FARS2: variants seen among roughly 807,000 people sequenced by gnomAD.
FARS2 encodes the protein phenylalanine--tRNA ligase, mitochondrial.
A neutral mutation model predicts 46.4 loss-of-function variants in FARS2; 40 were observed. The observed-to-expected ratio is 0.86, with a 90% CI of 0.67 to 1.12. FARS2 has a LOEUF of 1.12. Ranked by LOEUF, FARS2 falls within the 50% of genes most tolerant of loss-of-function variation. The pLI is 0.00. For missense variants in FARS2, 513 were observed against 567.9 expected (o/e 0.90, Z 0.98); for synonymous variants, 234 against 214.9 (o/e 1.09, Z -0.78).
intron 5 of FARS2, among the ~76,000 whole-genome samples, chr6:5,557,068 TAGGG>T (rs1352713545): frequency 6.6e-6 from 1 of 152,080 alleles, no homozygotes; most frequent in African/African-American, 2.4e-5. Context: ...ATCATCAGAA[TAGGG>T]ACCAGAAGGA....
In FARS2 at chr6:5,660,914, A is replaced by G. The variant is rs528807550; in HGVS notation, c.1217+47594A>G. ...AGGGATCTCTCACTTTACCAAGAGC[A>G]ATAGAAGCCCCTGGAATGTTTTAAG... On this transcript the variant is annotated intron_variant, in intron 6 of 6. Coordinates refer to ENST00000274680, the MANE Select transcript of FARS2 (RefSeq NM_006567.5). 6.6e-5 allele frequency among the ~76,000 whole-genome samples: 10 copies of G among 152,342 alleles called. No homozygotes were observed. The East Asian group carries it at 1.9e-3, about 29-fold the overall frequency.
intron 1 of FARS2, among the ~76,000 whole-genome samples, chr6:5,303,525 C>T (rs944158078): frequency 6.6e-6 from 1 of 152,014 alleles, no homozygotes; most frequent in East Asian, 1.9e-4. Context: ...TCGGGAGAGC[C>T]GCTCCTGCCC....
At chr6:5,709,878 C>A (rs994084669) in intron 6 of FARS2, among the ~76,000 whole-genome samples, 1 of 152,174 alleles carries the variant, frequency 6.6e-6, no homozygotes, top group South Asian at 2.1e-4. Context: ...TTTTCAAGCT[C>A]TTGGTGAGTG....
chr6:5,642,846 C>T (rs1346538722), intron 6 of FARS2, among the ~76,000 whole-genome samples: 3 of 152,194 alleles, frequency 2.0e-5, no homozygotes, highest in African/African-American at 4.8e-5. Context: ...TAAGTAAACT[C>T]GCTGGATTCA....
chr6:5,313,843 TTAAAATAAAATAAAA>T (rs138853513), intron 1 of FARS2, among the ~76,000 whole-genome samples: 3 of 151,288 alleles, frequency 2.0e-5, no homozygotes, highest in Admixed American at 6.6e-5. Context: ...AAAATTAAAT[TTAAAATAAAATAAAA>T]TAAAATAAAA....
chr6:5,284,081 C>T (rs1766946271), intron 1 of FARS2, among the ~76,000 whole-genome samples: 1 of 152,208 alleles, frequency 6.6e-6, no homozygotes, highest in Non-Finnish European at 1.5e-5. Flanking sequence ...TTTGATCTTT[C>T]CCAAACTGCA....
chr6:5,604,632 C>T (rs879366827), intron 5 of FARS2, among the ~76,000 whole-genome samples: 3 of 152,162 alleles, frequency 2.0e-5, no homozygotes, highest in Non-Finnish European at 4.4e-5. Context: ...AATAAACATG[C>T]TGCATTGAAA....
chr6:5,469,529 A>G (rs1414907158), intron 4 of FARS2, among the ~76,000 whole-genome samples: 1 of 152,238 alleles, frequency 6.6e-6, no homozygotes, highest in Admixed American at 6.5e-5. Flanking sequence ...CCACCCCAGC[A>G]AGTCTCAGAC....
At chr6:5,306,144 C>T (rs1768684709) in intron 1 of FARS2, among the ~76,000 whole-genome samples, 1 of 152,102 alleles carries the variant, frequency 6.6e-6, no homozygotes, top group Non-Finnish European at 1.5e-5. Context: ...CTTGATTTAT[C>T]TTGTGTGACT....
intron 1 of FARS2, among the ~76,000 whole-genome samples, chr6:5,353,082 A>G (rs938265750): frequency 2.6e-5 from 4 of 152,134 alleles, no homozygotes; most frequent in African/African-American, 9.7e-5. Context: ...TCTACAGCCT[A>G]TGCTATCCAC....
chr6:5,641,481 G>A (rs1370927634), intron 6 of FARS2, among the ~76,000 whole-genome samples: 1 of 152,096 alleles, frequency 6.6e-6, no homozygotes, highest in Non-Finnish European at 1.5e-5. Context: ...ATTTTTAGTA[G>A]AGACAGGGTT....
rs756962825 is a variant in FARS2 at position 5,274,587 on chromosome 6, T to C, written c.-22+12927T>C. On this transcript the variant is annotated intron_variant, in intron 1 of 6. Transcript: ENST00000274680. ...AGAATATGAGATTCCAGCCTAAACA[T>C]TGGCTTTTCTGAGCCATGAAATGAA... Among the ~76,000 whole-genome samples the C allele has an allele frequency of 7.2e-5, 11 of 152,354 alleles. No homozygotes were observed. In the East Asian group the frequency reaches 1.2e-3, roughly 16 times the overall value.
chr6:5,265,460 T>C (rs1348205799), intron 1 of FARS2, among the ~76,000 whole-genome samples: 1 of 152,234 alleles, frequency 6.6e-6, no homozygotes, highest in African/African-American at 2.4e-5. Context: ...CTGAGTTATA[T>C]AAGTAGAACT....
chr6:5,567,824 A>G (rs1014754019), intron 5 of FARS2, among the ~76,000 whole-genome samples: 1 of 152,182 alleles, frequency 6.6e-6, no homozygotes, highest in African/African-American at 2.4e-5. Context: ...GTCGCTAGCT[A>G]TTTTCCCCTG....
At chr6:5,728,036 G>T (rs538244162) in intron 6 of FARS2, among the ~76,000 whole-genome samples, 24 of 152,238 alleles carry the variant, frequency 1.6e-4, no homozygotes, top group Non-Finnish European at 2.2e-4. Flanking sequence ...AGTGAGAGAT[G>T]AGTGGATGCC....
intron 6 of FARS2, among the ~76,000 whole-genome samples, chr6:5,679,166 G>T (rs1303959275): frequency 2.0e-5 from 3 of 152,184 alleles, no homozygotes; most frequent in Admixed American, 6.5e-5. Context: ...TTGAAGGCCA[G>T]AAAACCGAGG....
intron 6 of FARS2, among the ~76,000 whole-genome samples, chr6:5,626,185 A>G (rs1025969549): frequency 1.3e-5 from 2 of 152,112 alleles, no homozygotes; most frequent in African/African-American, 4.8e-5. Flanking sequence ...TCTAGTGGGA[A>G]CTACCTCAAG....
At chr6:5,492,663 G>A (rs555338047) in intron 4 of FARS2, among the ~76,000 whole-genome samples, 35 of 152,332 alleles carry the variant, frequency 2.3e-4, no homozygotes, top group African/African-American at 7.5e-4. Context: ...TATTCAACAA[G>A]TATTTATCGA....
intron 4 of FARS2, among the ~76,000 whole-genome samples, chr6:5,507,223 C>T (rs906840899): frequency 3.3e-5 from 5 of 152,212 alleles, no homozygotes; most frequent in Non-Finnish European, 5.9e-5. Context: ...AGTTGCTGAA[C>T]TCTGCCATGG....
Sources: gnomAD v4.1 joint callset for allele counts (sites outside exome capture counted in the v4.1 genomes callset) on GRCh38, gnomAD v4.1.1 for gene constraint, MANE v1.5 for transcripts, NCBI Gene and HGNC (gene_info 2026-07-23, HGNC 2026-07-21) for gene names.